PIK3C2G: variants seen among roughly 807,000 people sequenced by gnomAD.
PIK3C2G encodes phosphatidylinositol 3-kinase C2 domain-containing subunit gamma.
A neutral mutation model predicts 181.1 loss-of-function variants in PIK3C2G; 168 were observed. The observed-to-expected ratio is 0.93, with a 90% CI of 0.82 to 1.05. The LOEUF (loss-of-function observed/expected upper bound fraction) is 1.05, where lower values mean the gene tolerates loss of function less well. Ranked by LOEUF, PIK3C2G falls within the 50% of genes least tolerant of loss-of-function variation. PIK3C2G has a pLI of 0.00. For synonymous variants in PIK3C2G, 573 were observed against 592.2 expected (o/e 0.97, Z 0.47); for missense variants, 1,869 against 1,732.8 (o/e 1.08, Z -1.40).
intron 18 of PIK3C2G, among the ~76,000 whole-genome samples, chr12:18,470,956 G>A (rs1269299691): frequency 1.3e-5 from 2 of 151,922 alleles, no homozygotes; most frequent in African/African-American, 4.8e-5. Flanking sequence ...GAATTAAAGG[G>A]AATGAGATTA....
chr12:18,564,275 A>C lies in PIK3C2G; in HGVS notation c.3902+777A>C, dbSNP rs368425086. 2.6e-5 allele frequency among the ~76,000 whole-genome samples: 4 copies of C among 152,122 alleles called. No individual in the cohort carries two copies. In the East Asian group the frequency reaches 7.7e-4, roughly 29 times the overall value. On this transcript the variant is annotated intron_variant, in intron 28 of 32. Coordinates refer to ENST00000538779, the MANE Select transcript of PIK3C2G (RefSeq NM_001288772.2). ...GATCATAGACTTCAGTCTATAAAAA[A>C]GGTGTATCTTGATTTTAAAAATGTG...
chr12:18,282,550 G>A lies in PIK3C2G; in HGVS notation c.469G>A (p.Glu157Lys), dbSNP rs773899061. 7 of 1,610,888 alleles carry A rather than the reference G, an allele frequency of 4.3e-6. No individual in the cohort carries two copies. The highest frequency in any genetic ancestry group is 5.9e-6 in the Non-Finnish European group (7 of 1,177,758). ...CACAAGTTTGGATAAAATTAATCTA[G>A]AGAAAGAATTAGAAAATGAAAATCA... is the stretch of plus-strand genomic sequence containing the variant. ...SFTSLDKINL[E>K]KELENENHNY... The change falls in exon 2 of 33, where the codon GAG (glutamate) becomes AAG (lysine). Residue 157 changes from glutamate (E) to lysine (K), a missense_variant. By Grantham distance (56) the Glu-to-Lys change is moderately conservative. Transcript: ENST00000538779.
chr12:18,267,316 G>T (rs1366090379), intron 1 of PIK3C2G, among the ~76,000 whole-genome samples: 1 of 150,734 alleles, frequency 6.6e-6, no homozygotes, highest in Admixed American at 6.6e-5. Flanking sequence ...ATTTTGTTTT[G>T]CTACTTTTTA....
At chr12:18,450,768 G>A (rs1242486296) in intron 18 of PIK3C2G, among the ~76,000 whole-genome samples, 1 of 152,094 alleles carries the variant, frequency 6.6e-6, no homozygotes, top group Non-Finnish European at 1.5e-5. Context: ...TGTAAGGAAG[G>A]GGTCCCAGTT....
At chr12:18,547,925 G>T (rs1439193164) in intron 26 of PIK3C2G, among the ~76,000 whole-genome samples, 1 of 151,954 alleles carries the variant, frequency 6.6e-6, no homozygotes, top group African/African-American at 2.4e-5. Flanking sequence ...ATGGGGATGG[G>T]TGCCTTGCAT....
chr12:18,417,082 T>A (rs1417338440), intron 16 of PIK3C2G, among the ~76,000 whole-genome samples: 1 of 152,126 alleles, frequency 6.6e-6, no homozygotes, highest in Non-Finnish European at 1.5e-5. Context: ...CTAATCCTCA[T>A]AGATGACAGT....
chr12:18,653,054 C>T (rs540376274), downstream of PIK3C2G, among the ~76,000 whole-genome samples: 11 of 152,014 alleles, frequency 7.2e-5, no homozygotes, highest in Admixed American at 4.6e-4. Context: ...CTTAAAGTCT[C>T]CTCGAAACTT....
the PIK3C2G span, chr12:18,701,806 C>T: frequency 1.3e-6 from 2 of 1,574,268 alleles, no homozygotes; most frequent in Admixed American, 1.8e-5. Flanking sequence ...GATACAATTA[C>T]ACATTTACAA....
chr12:18,649,234 C>T (rs1406801361), downstream of PIK3C2G, among the ~76,000 whole-genome samples: 1 of 152,064 alleles, frequency 6.6e-6, no homozygotes, highest in Non-Finnish European at 1.5e-5. Context: ...AAATTAGAAT[C>T]AGTAAAAAGA....
the PIK3C2G span, among the ~76,000 whole-genome samples, chr12:18,676,024 T>C: frequency 6.6e-6 from 1 of 152,096 alleles, no homozygotes; most frequent in African/African-American, 2.4e-5. Context: ...AAAAAACTTT[T>C]TGAAAGAAAG....
At chr12:18,416,747 T>C (rs1592205821) in intron 16 of PIK3C2G, among the ~76,000 whole-genome samples, 1 of 152,212 alleles carries the variant, frequency 6.6e-6, no homozygotes, top group African/African-American at 2.4e-5. Context: ...CTTTTCAAAA[T>C]ATTACTACTC....
intron 1 of PIK3C2G, among the ~76,000 whole-genome samples, chr12:18,248,378 C>T (rs892524112): frequency 2.6e-5 from 4 of 152,216 alleles, no homozygotes; most frequent in East Asian, 3.9e-4. Flanking sequence ...CGAGACCATC[C>T]TAGCTAACAC....
intron 18 of PIK3C2G, among the ~76,000 whole-genome samples, chr12:18,446,026 C>T (rs1167545071): frequency 2.6e-5 from 4 of 152,080 alleles, no homozygotes; most frequent in Non-Finnish European, 5.9e-5. Context: ...AGATACATTG[C>T]CTATTTAAAA....
chr12:18,346,550 T>C, intron 10 of PIK3C2G, 91 bp from the exon 11 acceptor site: 1 of 699,420 alleles, frequency 1.4e-6, no homozygotes, highest in East Asian at 2.6e-5. Context: ...ATTATTGAAA[T>C]TGTATTATAT....
chr12:18,378,587 A>G (rs909853354), intron 13 of PIK3C2G, among the ~76,000 whole-genome samples: 7 of 152,214 alleles, frequency 4.6e-5, no homozygotes, highest in Non-Finnish European at 1.0e-4. Flanking sequence ...GGCAACCTAC[A>G]GAATGGGAGA....
intron 24 of PIK3C2G, 70 bp downstream of exon 24, chr12:18,505,531 T>C: frequency 7.2e-6 from 8 of 1,104,510 alleles, no homozygotes; most frequent in Non-Finnish European, 1.0e-5. Context: ...TGTAATTGCA[T>C]AGAAACCCTG....
intron 24 of PIK3C2G, among the ~76,000 whole-genome samples, chr12:18,505,757 C>T (rs1277190988): frequency 6.6e-6 from 1 of 152,110 alleles, no homozygotes; most frequent in Non-Finnish European, 1.5e-5. Context: ...CCTTATGAAC[C>T]TTGAATGGAC....
intron 32 of PIK3C2G, among the ~76,000 whole-genome samples, chr12:18,643,171 A>G (rs1949928388): frequency 6.6e-6 from 1 of 152,172 alleles, no homozygotes; most frequent in African/African-American, 2.4e-5. Flanking sequence ...ATATTCATGG[A>G]AAATTATTTT....
At chr12:18,636,522 C>CA (rs1458640130) in intron 31 of PIK3C2G, among the ~76,000 whole-genome samples, 7 of 152,132 alleles carry the variant, frequency 4.6e-5, no homozygotes, top group African/African-American at 1.7e-4. Flanking sequence ...TGAGCCACTG[C>CA]ACCCCTGGTG....
Sources: gnomAD v4.1 joint callset for allele counts (sites outside exome capture counted in the v4.1 genomes callset) on GRCh38, gnomAD v4.1.1 for gene constraint, MANE v1.5 for transcripts, NCBI Gene and HGNC (gene_info 2026-07-23, HGNC 2026-07-21) for gene names.